The following ARID1B variants were observed in gnomAD, a reference collection of about 807,000 sequenced individuals.
ARID1B encodes AT-rich interaction domain 1B, also known as AT-rich interactive domain-containing protein 1B.
In ARID1B, 30 loss-of-function variants were observed where a neutral mutation model predicts 212.3. The observed-to-expected ratio is 0.14, with a 90% CI of 0.11 to 0.19. ARID1B has a LOEUF of 0.19. ARID1B is among the 10% of genes least tolerant of loss of function. The probability of loss-of-function intolerance (pLI) is 1.00; values close to 1 mark genes in which losing one functional copy is unlikely to be tolerated. For synonymous variants in ARID1B, 1,402 were observed against 1,301.7 expected (o/e 1.08, Z -1.66); for missense variants, 2,891 against 3,204.0 (o/e 0.90, Z 2.36).
intron 3 of ARID1B, among the ~76,000 whole-genome samples, chr6:156,932,900 A>G (rs997478999): frequency 3.3e-5 from 5 of 152,156 alleles, no homozygotes; most frequent in African/African-American, 1.2e-4. Flanking sequence ...TTTTGATTTT[A>G]TTTCCAACTG....
chr6:157,177,505 T>A (rs1792181067), intron 11 of ARID1B, among the ~76,000 whole-genome samples: 1 of 152,254 alleles, frequency 6.6e-6, no homozygotes, highest in Non-Finnish European at 1.5e-5. Flanking sequence ...GAAGATGCTC[T>A]ATGCTTTGAC....
intron 1 of ARID1B, among the ~76,000 whole-genome samples, chr6:156,803,631 C>A (rs568858662): frequency 8.7e-5 from 13 of 149,022 alleles, no homozygotes; most frequent in East Asian, 3.9e-4. Context: ...TTATCTTTTT[C>A]TCTTTTTTTT....
At chr6:157,170,342 A>G (rs7756488) in intron 9 of ARID1B, 11 of 151,974 alleles carry the variant, frequency 7.2e-5, no homozygotes, top group Non-Finnish European at 1.5e-4. Flanking sequence ...GCTGGATCAC[A>G]GTTTTCTGTC....
chr6:156,983,546 G>C (rs1777745997), intron 4 of ARID1B, among the ~76,000 whole-genome samples: 1 of 152,182 alleles, frequency 6.6e-6, no homozygotes, highest in South Asian at 2.1e-4. Context: ...ATATGCTCAG[G>C]AGTAGTTTAT....
intron 2 of ARID1B, among the ~76,000 whole-genome samples, chr6:156,837,527 A>G (rs1456165578): frequency 6.6e-6 from 1 of 152,170 alleles, no homozygotes; most frequent in Non-Finnish European, 1.5e-5. Context: ...AAAGGTAAAA[A>G]GTTTTTCTTT....
chr6:156,888,986 T>G lies in ARID1B; in HGVS notation c.1987-12390T>G, dbSNP rs188585844. Among the ~76,000 whole-genome samples the G allele has an allele frequency of 3.7e-3, 558 of 152,342 alleles. 4 individuals are homozygous for G. Among genetic ancestry groups the G allele is most frequent in the African/African-American group, 0.013 (527 of 41,574 alleles). The stretch of plus-strand genomic sequence containing the variant: ...CTTCCACATTAAAAGTGAGTGTGGC[T>G]CTTTTTACTGTTAAAAATTTTTTCC... On this transcript the variant is annotated intron_variant, in intron 2 of 19. Transcript: ENST00000636930.
intron 4 of ARID1B, among the ~76,000 whole-genome samples, chr6:157,019,020 T>C (rs1780071159): frequency 6.6e-6 from 1 of 152,096 alleles, no homozygotes; most frequent in South Asian, 2.1e-4. Flanking sequence ...GACAGGGTGC[T>C]TCATATTCCA....
intron 11 of ARID1B, among the ~76,000 whole-genome samples, chr6:157,177,015 A>G (rs1792145704): frequency 1.3e-5 from 2 of 152,228 alleles, no homozygotes; most frequent in South Asian, 4.1e-4. Context: ...CCACTGTAGG[A>G]GACTTTATCA....
At chr6:156,835,062 C>G (rs764577856) in intron 2 of ARID1B, among the ~76,000 whole-genome samples, 7 of 151,852 alleles carry the variant, frequency 4.6e-5, no homozygotes, top group Non-Finnish European at 7.4e-5. Context: ...CACAGTGAAA[C>G]CTTGTCTCTA....
intron 1 of ARID1B, among the ~76,000 whole-genome samples, chr6:156,820,812 C>T (rs942446553): frequency 1.3e-5 from 2 of 152,188 alleles, no homozygotes; most frequent in Non-Finnish European, 2.9e-5. Flanking sequence ...AAGAGGTGGT[C>T]ACCTAAAGGC....
chr6:157,049,093 G>C (rs1782421830), intron 4 of ARID1B, among the ~76,000 whole-genome samples: 2 of 149,702 alleles, frequency 1.3e-5, no homozygotes, highest in South Asian at 4.2e-4. Context: ...AGAATCACTT[G>C]AACCAGGAGG....
intron 1 of ARID1B, among the ~76,000 whole-genome samples, chr6:156,791,833 T>G (rs897896738): frequency 8.5e-5 from 13 of 152,322 alleles, no homozygotes; most frequent in African/African-American, 3.1e-4. Flanking sequence ...TCTGGAACCG[T>G]GTCCTTTTAA....
intron 2 of ARID1B, among the ~76,000 whole-genome samples, chr6:156,834,894 A>G (rs531382333): frequency 1.2e-3 from 177 of 152,340 alleles, no homozygotes; most frequent in African/African-American, 3.9e-3. Flanking sequence ...AGCAGATGCT[A>G]CTGGCTGTGA....
intron 8 of ARID1B, chr6:157,165,876 G>A (rs1166176951): frequency 6.6e-6 from 1 of 152,050 alleles, no homozygotes; most frequent in Non-Finnish European, 1.5e-5. Flanking sequence ...AAAAAAATAA[G>A]ATTTATGTTA....
chr6:156,901,593 C>T (rs536897774), intron 3 of ARID1B, 68 bp downstream of exon 3: 4 of 1,501,258 alleles, frequency 2.7e-6, no homozygotes, highest in South Asian at 1.3e-5. Context: ...TCTGAATCAT[C>T]TTCCTGTCCT....
intron 4 of ARID1B, chr6:157,030,215 C>T (rs149010651): frequency 0.011 from 1,673 of 152,572 alleles, 26 homozygotes; most frequent in African/African-American, 0.038. Context: ...TTGGCTAAGG[C>T]GATGTGGTAA....
intron 4 of ARID1B, among the ~76,000 whole-genome samples, chr6:156,978,509 G>A (rs1259671749): frequency 6.6e-6 from 1 of 151,810 alleles, no homozygotes; most frequent in East Asian, 1.9e-4. Context: ...GACAGAATTT[G>A]TGTATCTTCC....
intron 4 of ARID1B, among the ~76,000 whole-genome samples, chr6:157,068,842 ATCTAGAAGCTGCATCCTAATG>A (rs1251430485): frequency 3.3e-5 from 5 of 152,200 alleles, no homozygotes; most frequent in Non-Finnish European, 5.9e-5. Flanking sequence ...TAATGAATAT[ATCTAGAAGCTGCATCCTAATG>A]TAGTCTGTGT....
In ARID1B at chr6:157,057,006, AT is replaced by A. The variant is rs145502825; in HGVS notation, c.2248-27642del. On this transcript the variant is annotated intron_variant, in intron 4 of 19. Coordinates refer to ENST00000636930, the MANE Select transcript of ARID1B (RefSeq NM_001374828.1). ...TTATTTTATTACCCCAGTTGTTTGAATTTTTTTTTTTTTTAAGACGGAGTCT... is the reference window on the plus strand; with the variant it reads ...TTATTTTATTACCCCAGTTGTTTGAATTTTTTTTTTTTTAAGACGGAGTCT... 1.1e-3 allele frequency among the ~76,000 whole-genome samples: 153 copies of A among 144,916 alleles called. 1 individual carries two copies. The highest frequency in any genetic ancestry group is 3.7e-3 in the Middle Eastern group (1 of 272).
Sources: allele counts gnomAD v4.1 joint callset (sites outside exome capture counted in the v4.1 genomes callset), GRCh38; gene constraint gnomAD v4.1.1; transcripts MANE v1.5; gene names NCBI Gene and HGNC (gene_info 2026-07-23, HGNC 2026-07-21).